INAVA: variants seen among roughly 807,000 people sequenced by gnomAD.
INAVA encodes the protein innate immunity activator protein.
INAVA carries 32 observed loss-of-function variants against 55.3 expected under a neutral mutation model. That is an observed-to-expected ratio of 0.58 (90% CI 0.44 to 0.78). The LOEUF is 0.78. INAVA is among the 30% of genes least tolerant of loss of function. The pLI is 0.00. For synonymous variants in INAVA, 294 were observed against 329.4 expected, an observed-to-expected ratio of 0.89 and a Z score of 1.16; for missense variants, 756 against 786.4, an observed-to-expected ratio of 0.96 and a Z score of 0.46.
At chr1:200,906,123 T>C (rs1653478606) in intron 5 of INAVA, 1 of 152,268 alleles carries the variant, frequency 6.6e-6, no homozygotes, top group South Asian at 2.1e-4. Flanking sequence ...ATTGGCACAG[T>C]AGAAACATTA....
chr1:200,896,862 C>T (rs1468926046), intron 1 of INAVA, among the ~76,000 whole-genome samples: 12 of 152,248 alleles, frequency 7.9e-5, no homozygotes, highest in Admixed American at 7.8e-4. Context: ...CCCCACCCTG[C>T]GGCCCCGCGC....
rs767992876 is a variant in INAVA, at chr1:200,901,146, C to A, written c.507C>A (p.Leu169=). ...RNSEPPPAAA[L]PLGRELSASD... Reference sequence around the variant, plus strand: ...GCGAGCCACCTCCGGCTGCTGCTCTCCCCCTGGGCCGAGGTGAGCCGGCTG... The same window carrying A: ...GCGAGCCACCTCCGGCTGCTGCTCTACCCCTGGGCCGAGGTGAGCCGGCTG... The change falls in exon 5 of 10, where the codon CTC becomes CTA. Residue 169 remains leucine (L), a synonymous_variant. Transcript: ENST00000413687. 6.6e-7 allele frequency: 1 copy of A among 1,515,834 alleles called. No homozygotes were observed. Among genetic ancestry groups the A allele is most frequent in the Non-Finnish European group, 8.8e-7 (1 of 1,134,118 alleles). 93.9% of individuals were successfully genotyped at this position (1,515,834 alleles called of 1,614,324 possible).
intron 5 of INAVA, 51 bp downstream of exon 5, chr1:200,901,210 G>C: frequency 7.0e-7 from 1 of 1,434,410 alleles, no homozygotes; most frequent in Non-Finnish European, 9.2e-7. Context: ...AGCTTTTGAG[G>C]GATGGTGGGC....
Position 200,898,306 on chromosome 1 carries a change from G to C in INAVA, c.-94-1G>C. On this transcript the variant is annotated splice_acceptor_variant, in intron 1 of 9. Coordinates refer to ENST00000413687, the MANE Select transcript of INAVA (RefSeq NM_001142569.3). LOFTEE classifies it low-confidence loss of function (5UTR_SPLICE). The stretch of plus-strand genomic sequence containing the variant: ...GTTATTGTTCTCTTTTCTCTTTAAA[G>C]CTGGGGAAGCTCCAGGCTACCTACA... 6.2e-7 allele frequency: 1 copy of C among 1,608,624 alleles called. No individual in the cohort carries two copies. Among genetic ancestry groups the C allele is most frequent in the Non-Finnish European group, 8.5e-7 (1 of 1,178,634 alleles).
At chr1:200,892,962 C>T (rs1384919450), upstream of INAVA, among the ~76,000 whole-genome samples, 1 of 152,192 alleles carries the variant, frequency 6.6e-6, no homozygotes, top group Non-Finnish European at 1.5e-5. Flanking sequence ...GGAGGATTAC[C>T]TGAGGGCAGG....
upstream of INAVA, among the ~76,000 whole-genome samples, chr1:200,894,219 G>T (rs939235938): frequency 6.6e-6 from 1 of 152,126 alleles, no homozygotes; most frequent in African/African-American, 2.4e-5. Context: ...TAGGAAACAG[G>T]ACTTGGGCTC....
rs558568277 is a variant in INAVA, at chr1:200,899,166, G to A, written c.56-307G>A. The stretch of plus-strand genomic sequence containing the variant: ...AGAAGAAGGAGAAGGAAAAGAGGAA[G>A]AAGAAGGGAGGAGGAGTGGGGGGAG... On this transcript the variant is annotated intron_variant, in intron 2 of 9. Transcript: ENST00000413687. Among the ~76,000 whole-genome samples, 3 of 151,886 alleles carry A rather than the reference G, an allele frequency of 2.0e-5. No homozygotes were observed. In the South Asian group the frequency reaches 6.3e-4, roughly 32 times the overall value.
chr1:200,911,403 T>G (rs752897186), intron 8 of INAVA, 50 bp from the exon 9 acceptor site: 1 of 1,526,826 alleles, frequency 6.5e-7, no homozygotes, highest in Admixed American at 1.7e-5. Context: ...CCAACCCCAG[T>G]GTGGAGTTTC....
intron 5 of INAVA, 117 bp from the exon 6 acceptor site, chr1:200,907,717 T>A: frequency 2.8e-6 from 2 of 725,892 alleles, no homozygotes; most frequent in South Asian, 2.0e-5. Flanking sequence ...TATTTCCTCA[T>A]AACTGATGCT....
intron 5 of INAVA, 80 bp from the exon 6 acceptor site, chr1:200,907,754 C>G: frequency 8.5e-7 from 1 of 1,170,122 alleles, no homozygotes; most frequent in Non-Finnish European, 1.3e-6. Context: ...CAGGCCTGAG[C>G]TGCTCAGCAC....
chr1:200,911,366 TCACCTGTTTTAACTC>T, intron 8 of INAVA, 72 bp from the exon 9 acceptor site: 1 of 1,234,984 alleles, frequency 8.1e-7, no homozygotes, highest in Middle Eastern at 2.0e-4. Context: ...AGAGCAGGAC[TCACCTGTTTTAACTC>T]CACCTCCCGC....
chr1:200,909,468 G>A, intron 8 of INAVA, 71 bp downstream of exon 8: 1 of 1,337,684 alleles, frequency 7.5e-7, no homozygotes, highest in African/African-American at 1.5e-5. Flanking sequence ...GGAGCTCCCA[G>A]GACACAGGTG....
intron 5 of INAVA, among the ~76,000 whole-genome samples, chr1:200,904,554 G>C (rs1558231157): frequency 6.6e-6 from 1 of 152,214 alleles, no homozygotes; most frequent in Admixed American, 6.5e-5. Flanking sequence ...AGTGGCAACT[G>C]TGTTGGACAG....
intron 5 of INAVA, among the ~76,000 whole-genome samples, chr1:200,905,428 T>C (rs1394190109): frequency 6.6e-6 from 1 of 152,108 alleles, no homozygotes; most frequent in Non-Finnish European, 1.5e-5. Flanking sequence ...TGTGGACACC[T>C]ATAGTCCCAG....
intron 5 of INAVA, chr1:200,906,082 A>C (rs935720383): frequency 6.6e-6 from 1 of 152,274 alleles, no homozygotes; most frequent in Non-Finnish European, 1.5e-5. Flanking sequence ...TACCTGAATT[A>C]ATATATATAA....
rs1486932206 is a variant in INAVA, at chr1:200,908,816, C to T, written c.661C>T (p.Pro221Ser). ...ACCCCAAACCCTTGAGGGTCTGCAG[C>T]CAACAGGACCTGAGGCTGGGAGCCC... is the stretch of plus-strand genomic sequence containing the variant. ...LPPQTLEGLQ[P>S]TGPEAGSPER... Residue 221 changes from proline to serine, a missense_variant, in exon 7 of 10, where the codon CCA becomes TCA. By Grantham distance (74) the Pro-to-Ser change is moderately conservative. Around this residue, in one of 2 missense-constraint regions of INAVA, gnomAD observed 639 missense variants for 624.3 expected, o/e 1.02. Transcript: ENST00000413687. The T allele has an allele frequency of 6.2e-7, 1 of 1,613,892 alleles. No homozygotes were observed. The highest frequency in any genetic ancestry group is 1.1e-5 in the South Asian group (1 of 91,012).
At chr1:200,906,040 T>C (rs1653475418) in intron 5 of INAVA, among the ~76,000 whole-genome samples, 1 of 152,254 alleles carries the variant, frequency 6.6e-6, no homozygotes, top group African/African-American at 2.4e-5. Flanking sequence ...TTGCAGGTGA[T>C]AATATCTACC....
At position 200,901,037 on chromosome 1, in the gene INAVA, G is replaced by A. The variant is rs369240943; in HGVS notation, c.398G>A (p.Arg133Gln). ...CLEENLSRQA[R>Q]RQRKHSMLQE... ...GAGGAGAACCTCAGCAGGCAGGCTC[G>A]GCGGCAGCGGAAGCACTCCATGCTG... The change falls in exon 5 of 10, where the codon CGG becomes CAG. Residue 133 changes from arginine (R) to glutamine (Q), a missense_variant. Coordinates refer to ENST00000413687, the MANE Select transcript of INAVA (RefSeq NM_001142569.3). 7.9e-5 allele frequency: 122 copies of A among 1,547,872 alleles called. 1 individual carries two copies. The highest frequency in any genetic ancestry group is 1.8e-4 in the Middle Eastern group (1 of 5,686).
chr1:200,907,118 C>T (rs1653525528), intron 5 of INAVA, among the ~76,000 whole-genome samples: 1 of 152,162 alleles, frequency 6.6e-6, no homozygotes, highest in Non-Finnish European at 1.5e-5. Flanking sequence ...AACCACCGCG[C>T]CTGGCCATGA....
Sources: allele counts gnomAD v4.1 joint callset (sites outside exome capture counted in the v4.1 genomes callset), GRCh38; gene constraint gnomAD v4.1.1; regional missense constraint gnomAD v4.1.1; transcripts MANE v1.5; gene names NCBI Gene and HGNC (gene_info 2026-07-23, HGNC 2026-07-21).